Variants in MYO16 observed in about 807,000 individuals in gnomAD.
MYO16 encodes unconventional myosin-XVI.
Under a neutral mutation model 205.3 loss-of-function variants are expected in MYO16, and 94 were observed. That is an observed-to-expected ratio of 0.46 (90% CI 0.39 to 0.54). The LOEUF is 0.54. Among genes scored for constraint, MYO16 ranks in the 20% least tolerant of loss-of-function variants. The probability of loss-of-function intolerance (pLI) is 0.00; values close to 1 mark genes in which losing one functional copy is unlikely to be tolerated. For synonymous variants in MYO16, 988 were observed against 954.0 expected, an observed-to-expected ratio of 1.04 and a Z score of -0.66; for missense variants, 2,315 against 2,387.5, an observed-to-expected ratio of 0.97 and a Z score of 0.63.
intron 3 of MYO16, among the ~76,000 whole-genome samples, chr13:108,725,662 C>A (rs1884312088): frequency 6.6e-6 from 1 of 152,116 alleles, no homozygotes; most frequent in South Asian, 2.1e-4. Flanking sequence ...CAGTTCTTTG[C>A]CTGACCTTGG....
At chr13:109,154,900 C>T (rs9521189) in intron 32 of MYO16, among the ~76,000 whole-genome samples, 22,694 of 108,992 alleles carry the variant, frequency 0.21, 2,208 homozygotes, top group East Asian at 0.34. Flanking sequence ...ATTGCATACT[C>T]GGCTAATTAT....
At chr13:108,711,301 A>G (rs1883712621) in intron 2 of MYO16, among the ~76,000 whole-genome samples, 1 of 152,266 alleles carries the variant, frequency 6.6e-6, no homozygotes, top group South Asian at 2.1e-4. Context: ...ATGTTTTTGT[A>G]ACACACTACT....
chr13:109,083,383 C>CAAAAA (rs71125367), intron 27 of MYO16, among the ~76,000 whole-genome samples: 1 of 52,296 alleles, frequency 1.9e-5, no homozygotes, highest in Non-Finnish European at 3.2e-5. Context: ...AACTCCGTCT[C>CAAAAA]AAAAAAAAAA....
the MYO16 span, among the ~76,000 whole-genome samples, chr13:108,566,221 C>G: frequency 6.6e-6 from 1 of 152,010 alleles, no homozygotes; most frequent in South Asian, 2.1e-4. Context: ...TTGGTCTGTT[C>G]AGATAACAGA....
At chr13:108,506,596 C>T in the MYO16 span, among the ~76,000 whole-genome samples, 150,611 of 152,280 alleles carry the variant, frequency 0.99, 74,504 homozygotes, top group East Asian at 1. Context: ...GTGCATAGTC[C>T]AGAATTTTCT....
intron 20 of MYO16, among the ~76,000 whole-genome samples, chr13:108,986,825 T>C (rs1262834922): frequency 6.6e-6 from 1 of 152,090 alleles, no homozygotes; most frequent in East Asian, 1.9e-4. Flanking sequence ...TAGACTCGGG[T>C]GTAAGACCAC....
chr13:109,041,367 G>C (rs1886879453), intron 23 of MYO16, among the ~76,000 whole-genome samples: 1 of 152,152 alleles, frequency 6.6e-6, no homozygotes, highest in Admixed American at 6.6e-5. Flanking sequence ...TAAAGGTATA[G>C]ATGATACCAT....
intron 11 of MYO16, among the ~76,000 whole-genome samples, chr13:108,860,697 A>T (rs2139113258): frequency 6.6e-6 from 1 of 152,322 alleles, no homozygotes; most frequent in African/African-American, 2.4e-5. Context: ...AATGAGGAAA[A>T]GATTCCCTCT....
intron 21 of MYO16, among the ~76,000 whole-genome samples, chr13:109,007,033 A>G (rs1885409789): frequency 6.6e-6 from 1 of 152,124 alleles, no homozygotes; most frequent in South Asian, 2.1e-4. Flanking sequence ...CAGTCAAATA[A>G]CGCCGGGGTG....
chr13:109,173,887 CAAAAAAAA>C (rs778094207), intron 33 of MYO16, among the ~76,000 whole-genome samples: 299 of 29,088 alleles, frequency 0.01, 2 homozygotes, highest in Middle Eastern at 0.056. Context: ...GACTCCATCT[CAAAAAAAA>C]AAAAAAAAAA....
intron 4 of MYO16, among the ~76,000 whole-genome samples, chr13:108,761,934 G>A (rs1448196378): frequency 6.6e-6 from 1 of 152,200 alleles, no homozygotes; most frequent in Non-Finnish European, 1.5e-5. Context: ...TGAAGTTGTG[G>A]CTTTTAGGGT....
intron 4 of MYO16, among the ~76,000 whole-genome samples, chr13:108,744,802 C>T (rs1885009740): frequency 6.6e-6 from 1 of 152,184 alleles, no homozygotes; most frequent in African/African-American, 2.4e-5. Flanking sequence ...TTGAAAGAGG[C>T]TATTCAGCCT....
chr13:108,801,267 A>G (rs997237343), intron 6 of MYO16, among the ~76,000 whole-genome samples: 1 of 152,240 alleles, frequency 6.6e-6, no homozygotes, highest in African/African-American at 2.4e-5. Flanking sequence ...GTAAATGCAA[A>G]TTATTTGAAA....
At chr13:108,531,522 G>A in the MYO16 span, among the ~76,000 whole-genome samples, 2 of 152,068 alleles carry the variant, frequency 1.3e-5, no homozygotes, top group South Asian at 2.1e-4. Context: ...ATAGGAAGGA[G>A]GATGACCCTG....
the MYO16 span, among the ~76,000 whole-genome samples, chr13:108,529,374 C>T: frequency 6.6e-6 from 1 of 152,074 alleles, no homozygotes. Context: ...AACTGCCAAT[C>T]TGGATACCAT....
At chr13:108,785,826 A>T in intron 5 of MYO16, 83 bp downstream of exon 5, 1 of 866,788 alleles carries the variant, frequency 1.2e-6, no homozygotes, top group Non-Finnish European at 1.8e-6. Context: ...GTTTGCTTAC[A>T]TGATTTCCGA....
At chr13:108,965,568 G>A (rs1373805891) in intron 20 of MYO16, among the ~76,000 whole-genome samples, 14 of 151,982 alleles carry the variant, frequency 9.2e-5, no homozygotes, top group Non-Finnish European at 1.8e-4. Context: ...CACCACACCC[G>A]GCTAATTTTG....
At chr13:109,083,044 A>G (rs9301350) in intron 27 of MYO16, among the ~76,000 whole-genome samples, 86,105 of 151,948 alleles carry the variant, frequency 0.57, 24,568 homozygotes, top group Non-Finnish European at 0.6. Flanking sequence ...TGCAGTGTTA[A>G]AAAGGCTAAG....
intron 3 of MYO16, among the ~76,000 whole-genome samples, chr13:108,717,183 C>T (rs778847417): frequency 2.0e-5 from 3 of 152,132 alleles, no homozygotes; most frequent in African/African-American, 4.8e-5. Context: ...ATTGAGAAGG[C>T]GCTCCCAATG....
Sources: gnomAD v4.1 joint callset for allele counts (sites outside exome capture counted in the v4.1 genomes callset) on GRCh38, gnomAD v4.1.1 for gene constraint, MANE v1.5 for transcripts, NCBI Gene and HGNC (gene_info 2026-07-23, HGNC 2026-07-21) for gene names.